Variants in RPTOR observed in about 807,000 individuals in gnomAD.
RPTOR encodes regulatory associated protein of MTOR complex 1, also known as regulatory-associated protein of mTOR.
RPTOR carries 21 observed loss-of-function variants against 169.9 expected under a neutral mutation model. The observed-to-expected ratio is 0.12, with a 90% CI of 0.09 to 0.18. RPTOR has a LOEUF of 0.18. Among genes scored for constraint, RPTOR ranks in the 10% least tolerant of loss-of-function variants. The pLI is 1.00. For missense variants in RPTOR, 1,133 were observed against 1,855.9 expected (o/e 0.61, Z 7.16); for synonymous variants, 732 against 753.2 (o/e 0.97, Z 0.46).
At chr17:80,752,056 TC>T (rs1346611583) in intron 5 of RPTOR, among the ~76,000 whole-genome samples, 3 of 152,260 alleles carry the variant, frequency 2.0e-5, no homozygotes, top group Admixed American at 6.5e-5. Context: ...TTTGGGGTTT[TC>T]TGTTTTCATT....
At chr17:80,822,409 G>T (rs2067389360) in intron 8 of RPTOR, 108 bp downstream of exon 8, 2 of 1,094,470 alleles carry the variant, frequency 1.8e-6, no homozygotes, top group Non-Finnish European at 2.8e-6. Flanking sequence ...TGCCTCCCTA[G>T]TGAGGAAGAC....
chr17:80,866,896 A>G (rs2067998825), intron 13 of RPTOR, among the ~76,000 whole-genome samples: 1 of 152,216 alleles, frequency 6.6e-6, no homozygotes, highest in African/African-American at 2.4e-5. Context: ...TGGAATTTGT[A>G]GTGAAAACTT....
At chr17:80,856,001 A>G (rs1184189507) in intron 12 of RPTOR, among the ~76,000 whole-genome samples, 1 of 152,132 alleles carries the variant, frequency 6.6e-6, no homozygotes, top group Non-Finnish European at 1.5e-5. Context: ...TCCTCATTCT[A>G]TAGCAGAGTA....
chr17:80,640,880 GT>G, intron 2 of RPTOR, among the ~76,000 whole-genome samples: 1 of 152,364 alleles, frequency 6.6e-6, no homozygotes, highest in Non-Finnish European at 1.5e-5. Flanking sequence ...TGCATGGACA[GT>G]TTTCTGACCA....
chr17:80,917,817 G>A (rs1444908075), intron 21 of RPTOR, among the ~76,000 whole-genome samples: 6 of 152,176 alleles, frequency 3.9e-5, no homozygotes, highest in Middle Eastern at 3.4e-3. Flanking sequence ...GGGCCCCTCC[G>A]GGAATCGTGA....
intron 4 of RPTOR, among the ~76,000 whole-genome samples, chr17:80,727,298 C>T (rs1475952052): frequency 1.4e-5 from 2 of 142,006 alleles, no homozygotes; most frequent in Non-Finnish European, 3.0e-5. Flanking sequence ...GCACCTCTGA[C>T]CGCATCATGC....
Position 80,820,275 on chromosome 17 carries a change from C to T in RPTOR, c.891-1926C>T, listed in dbSNP as rs948372250. On this transcript the variant is annotated intron_variant, in intron 7 of 33. Coordinates refer to ENST00000306801, the MANE Select transcript of RPTOR (RefSeq NM_020761.3). The surrounding 1 kb of genome is among the most constrained non-coding windows in gnomAD (Gnocchi z 4.1). ...GGTGTTTTTGCGGAACAGTTATTGA[C>T]GATCTTGTCAGTCATTTCATTAAAA... Among the ~76,000 whole-genome samples the T allele has an allele frequency of 6.6e-6, 1 of 151,842 alleles. No individual in the cohort carries two copies. The highest frequency in any genetic ancestry group is 2.4e-5 in the African/African-American group (1 of 41,294).
chr17:80,596,366 C>T (rs1301880522), intron 1 of RPTOR, among the ~76,000 whole-genome samples: 3 of 152,044 alleles, frequency 2.0e-5, no homozygotes, highest in African/African-American at 7.2e-5. Flanking sequence ...TAAATTTTCC[C>T]TTTGTGCTCT....
rs912222725 is a variant in RPTOR at position 80,861,594 on chromosome 17, G to A, written c.1509+3694G>A. Among the ~76,000 whole-genome samples, 10 of 152,142 alleles carry A rather than the reference G, an allele frequency of 6.6e-5. No individual in the cohort carries two copies. The highest frequency in any genetic ancestry group is 1.4e-4 in the African/African-American group (6 of 41,424). ...TAGAAATATCTTGGCACCTGGCCACGGATGAAGGACCATGTGTAGGGGCTC... is the reference window on the plus strand; with the variant it reads ...TAGAAATATCTTGGCACCTGGCCACAGATGAAGGACCATGTGTAGGGGCTC... On this transcript the variant is annotated intron_variant, in intron 13 of 33. Transcript: ENST00000306801. The surrounding 1 kb of genome is among the most constrained non-coding windows in gnomAD (Gnocchi z 4.5).
At chr17:80,710,413 G>T (rs907297538) in intron 4 of RPTOR, among the ~76,000 whole-genome samples, 1 of 152,076 alleles carries the variant, frequency 6.6e-6, no homozygotes, top group African/African-American at 2.4e-5. Context: ...TCTTGTCCTC[G>T]CAGAGGGAGA....
In RPTOR at chr17:80,936,489, A is replaced by T. The variant is rs946240498; in HGVS notation, c.2920-4007A>T. The stretch of plus-strand genomic sequence containing the variant: ...CGTAAAGAGAGAAGCTGATACAACC[A>T]TACAATGAAAGACTCATCAGAACAA... On this transcript the variant is annotated intron_variant, in intron 24 of 33. Transcript: ENST00000306801. This position sits in a 1 kb window ranked among gnomAD's most constrained non-coding sequence, Gnocchi z 4.1. Among the ~76,000 whole-genome samples, 15 of 152,256 alleles carry T rather than the reference A, an allele frequency of 9.9e-5. No homozygotes were observed. Among genetic ancestry groups the T allele is most frequent in the Admixed American group, 8.5e-4 (13 of 15,292 alleles).
At chr17:80,946,828 A>C (rs35612742) in intron 26 of RPTOR, among the ~76,000 whole-genome samples, 35,287 of 152,114 alleles carry the variant, frequency 0.23, 4,248 homozygotes, top group African/African-American at 0.26. Context: ...TTTTTTGGGG[A>C]TACGCCCAGA....
At chr17:80,733,648 G>T (rs1314068800) in intron 5 of RPTOR, among the ~76,000 whole-genome samples, 1 of 152,198 alleles carries the variant, frequency 6.6e-6, no homozygotes, top group Non-Finnish European at 1.5e-5. Flanking sequence ...GTTTAAAGAA[G>T]GGAGAAACGA....
chr17:80,855,400 C>A (rs2067841069), intron 11 of RPTOR, 64 bp from the exon 12 acceptor site: 3 of 1,220,052 alleles, frequency 2.5e-6, no homozygotes, highest in African/African-American at 1.5e-5. Flanking sequence ...GCTCATGCAG[C>A]AGCGTTTCGG....
chr17:80,735,042 T>C (rs2066423419), intron 5 of RPTOR, among the ~76,000 whole-genome samples: 1 of 152,104 alleles, frequency 6.6e-6, no homozygotes, highest in Non-Finnish European at 1.5e-5. Context: ...CAATGCCCTG[T>C]GGATATTGAG....
rs139628734 is a variant in RPTOR, at chr17:80,746,770, C to T, written c.655-7240C>T. Among the ~76,000 whole-genome samples the T allele has an allele frequency of 2.5e-3, 373 of 152,142 alleles. No individual in the cohort carries two copies. Among genetic ancestry groups the T allele is most frequent in the African/African-American group, 7.9e-3 (327 of 41,496 alleles). ...TGTTTCTGAAAGATAGTTTCAATTA[C>T]GGGGTCAATATCTTAGGTAGATGCA... On this transcript the variant is annotated intron_variant, in intron 5 of 33. Coordinates refer to ENST00000306801, the MANE Select transcript of RPTOR (RefSeq NM_020761.3). The surrounding 1 kb of genome is among the most constrained non-coding windows in gnomAD (Gnocchi z 4.5).
Position 80,743,875 on chromosome 17 carries a change from C to T in RPTOR, c.655-10135C>T, listed in dbSNP as rs62069360. ...AGCAGAGCCCTGGCTACTAGCACAG[C>T]CCTGGCTACTAGCACTGTCCTGGTT... is the stretch of plus-strand genomic sequence containing the variant. On this transcript the variant is annotated intron_variant, in intron 5 of 33. Coordinates refer to ENST00000306801, the MANE Select transcript of RPTOR (RefSeq NM_020761.3). Among the ~76,000 whole-genome samples, 283 of 68,490 alleles carry T rather than the reference C, an allele frequency of 4.1e-3. 30 individuals are homozygous for T. Among genetic ancestry groups the T allele is most frequent in the African/African-American group, 8.1e-3 (123 of 15,118 alleles). 44.9% of individuals were successfully genotyped at this position (68,490 alleles called of 152,430 possible). A position where few individuals can be genotyped will look rare whatever the true frequency, so the allele number is the denominator to read the frequency against.
In RPTOR at chr17:80,964,824, G is replaced by A. The variant is rs2069404675; in HGVS notation, c.*494G>A. On this transcript the variant is annotated 3_prime_UTR_variant, in exon 34 of 34. Transcript: ENST00000306801. ...AGGCCCACCACCTCTCACAGTCAGT[G>A]CACGCAAGCAGGGACATTTCCTAGC... 2 of 236,018 alleles carry A rather than the reference G, an allele frequency of 8.5e-6. No individual in the cohort carries two copies. The highest frequency in any genetic ancestry group is 6.0e-5 in the East Asian group (1 of 16,720). The allele number at this position is 236,018 out of a possible 1,614,324, so 14.6% of individuals were successfully genotyped here.
chr17:80,841,444 C>T (rs1363755905), intron 10 of RPTOR, among the ~76,000 whole-genome samples: 2 of 133,766 alleles, frequency 1.5e-5, no homozygotes, highest in African/African-American at 2.9e-5. Flanking sequence ...ACTCACCACA[C>T]GGCAGCTCAC....
Sources: gnomAD v4.1 joint callset for allele counts (sites outside exome capture counted in the v4.1 genomes callset) on GRCh38, gnomAD v4.1.1 for gene constraint, Gnocchi (gnomAD v3.1) non-coding constraint, MANE v1.5 for transcripts, NCBI Gene and HGNC (gene_info 2026-07-23, HGNC 2026-07-21) for gene names.